The following ACSM3 variants were observed in gnomAD, a reference collection of about 807,000 sequenced individuals.
The protein encoded by ACSM3 is acyl-coenzyme A synthetase ACSM3, mitochondrial.
A neutral mutation model predicts 74.1 loss-of-function variants in ACSM3; 61 were observed. The observed-to-expected ratio is 0.82, with a 90% CI of 0.67 to 1.02. The LOEUF (loss-of-function observed/expected upper bound fraction) is 1.02. Ranked by LOEUF, ACSM3 falls within the 50% of genes least tolerant of loss-of-function variation. The probability of loss-of-function intolerance (pLI) is 0.00; values close to 1 mark genes in which losing one functional copy is unlikely to be tolerated. For synonymous variants in ACSM3, 213 were observed against 241.5 expected, an observed-to-expected ratio of 0.88 and a Z score of 1.09; for missense variants, 660 against 697.0, an observed-to-expected ratio of 0.95 and a Z score of 0.60.
intron 3 of ACSM3, among the ~76,000 whole-genome samples, chr16:20,776,539 G>C (rs1035798218): frequency 2.0e-5 from 3 of 152,054 alleles, no homozygotes; most frequent in Admixed American, 1.3e-4. Flanking sequence ...CCAGGAGGAA[G>C]ATCTATATAT....
intron 1 of ACSM3, among the ~76,000 whole-genome samples, chr16:20,739,488 A>G (rs2079899400): frequency 6.6e-6 from 1 of 152,064 alleles, no homozygotes; most frequent in Non-Finnish European, 1.5e-5. Context: ...TATTGATAAT[A>G]AAGCTTTTTT....
intron 1 of ACSM3, among the ~76,000 whole-genome samples, chr16:20,715,838 G>T (rs750081525): frequency 6.6e-5 from 10 of 152,118 alleles, no homozygotes; most frequent in African/African-American, 2.4e-4. Context: ...TATTTTATTT[G>T]CTCATGATTC....
intron 1 of ACSM3, chr16:20,738,692 G>T (rs1239062733): frequency 3.5e-6 from 2 of 577,818 alleles, no homozygotes; most frequent in Non-Finnish European, 6.1e-6. Context: ...AAGCAGCAAA[G>T]CCAGGTTTCC....
intron 1 of ACSM3, among the ~76,000 whole-genome samples, chr16:20,702,290 G>A (rs1036492317): frequency 6.6e-6 from 1 of 152,166 alleles, no homozygotes; most frequent in African/African-American, 2.4e-5. Context: ...GTGACTCACT[G>A]CAACCTCCAC....
upstream of ACSM3, among the ~76,000 whole-genome samples, chr16:20,761,691 T>C (rs541311881): frequency 1.3e-5 from 2 of 152,258 alleles, no homozygotes; most frequent in African/African-American, 4.8e-5. Context: ...TTGGTTGCAG[T>C]AGGTGCCAGG....
At chr16:20,794,372 A>T (rs893636325) in intron 12 of ACSM3, among the ~76,000 whole-genome samples, 1 of 152,226 alleles carries the variant, frequency 6.6e-6, no homozygotes, top group Non-Finnish European at 1.5e-5. Context: ...GGCCACTGTT[A>T]AGACTTATGC....
At chr16:20,738,204 G>C (rs910963691) in intron 1 of ACSM3, 6 of 530,450 alleles carry the variant, frequency 1.1e-5, no homozygotes, top group African/African-American at 9.6e-5. Context: ...TGTTTAGGTA[G>C]ACACCGTTGT....
chr16:20,786,245 G>C, intron 9 of ACSM3, 87 bp downstream of exon 9: 1 of 1,499,052 alleles, frequency 6.7e-7, no homozygotes, highest in Non-Finnish European at 8.9e-7. Flanking sequence ...AACTTTCTTT[G>C]TTATGATGGT....
chr16:20,793,730 A>T (rs1029366639), intron 12 of ACSM3, among the ~76,000 whole-genome samples: 3 of 152,220 alleles, frequency 2.0e-5, no homozygotes, highest in Non-Finnish European at 2.9e-5. Flanking sequence ...GGGCAGGGAA[A>T]ACAGTCAGTG....
At chr16:20,739,888 T>C (rs988276649) in intron 1 of ACSM3, among the ~76,000 whole-genome samples, 21 of 151,710 alleles carry the variant, frequency 1.4e-4, no homozygotes, top group African/African-American at 5.1e-4. Context: ...GAATGTAAAA[T>C]TTGAAAATGT....
intron 12 of ACSM3, among the ~76,000 whole-genome samples, chr16:20,795,126 A>T (rs1376824122): frequency 6.6e-6 from 1 of 152,250 alleles, no homozygotes; most frequent in Non-Finnish European, 1.5e-5. Context: ...ATAGACACAC[A>T]CACACACAAG....
chr16:20,720,142 A>G (rs1238611876), intron 1 of ACSM3, among the ~76,000 whole-genome samples: 1 of 152,046 alleles, frequency 6.6e-6, no homozygotes, highest in Non-Finnish European at 1.5e-5. Flanking sequence ...ATGGAAGACC[A>G]TTTTTCCATG....
chr16:20,693,943 G>T (rs940950867), intron 1 of ACSM3, among the ~76,000 whole-genome samples: 1 of 152,184 alleles, frequency 6.6e-6, no homozygotes, highest in South Asian at 2.1e-4. Context: ...TCAAAGTCCT[G>T]TGCTAAGATT....
In ACSM3 at chr16:20,739,829, T is replaced by TA. The variant is rs66818518; in HGVS notation, c.-189-10065dup. Among the ~76,000 whole-genome samples, 1,316 of 140,076 alleles carry TA rather than the reference T, an allele frequency of 9.4e-3. 12 individuals are homozygous for TA. The highest frequency in any genetic ancestry group is 0.022 in the African/African-American group (793 of 36,830). The allele number at this position is 140,076 out of a possible 152,430, so 91.9% of individuals were successfully genotyped here. A position where few individuals can be genotyped will look rare whatever the true frequency, so the allele number is the denominator to read the frequency against. On this transcript the variant is annotated intron_variant, in intron 1 of 3. Transcript: ENST00000561584. ...GAGCAAGACTCTGTCTCAAAAAAAT[T>TA]AAAAAAAAAAAAAAAATGTGGAGGA...
intron 1 of ACSM3, among the ~76,000 whole-genome samples, chr16:20,769,446 A>T (rs1316072266): frequency 6.6e-6 from 1 of 152,216 alleles, no homozygotes; most frequent in East Asian, 1.9e-4. Context: ...TATCAACTAG[A>T]CAGTTCATAA....
chr16:20,729,650 C>T (rs1011112153), intron 1 of ACSM3: 29 of 224,618 alleles, frequency 1.3e-4, no homozygotes, highest in Non-Finnish European at 2.0e-4. Context: ...TCATTTAATT[C>T]TCACTATGAG....
At chr16:20,757,474 C>T (rs1241837737) in intron 3 of ACSM3, among the ~76,000 whole-genome samples, 3 of 151,360 alleles carry the variant, frequency 2.0e-5, no homozygotes, top group Non-Finnish European at 2.9e-5. Context: ...GTGATTTTTG[C>T]ACATTGATTT....
chr16:20,777,510 A>C lies in ACSM3; in HGVS notation c.568A>C (p.Asn190His), dbSNP rs772728883. The change falls in exon 4 of 14, where the codon AAT becomes CAT. Residue 190 changes from asparagine to histidine, a missense_variant. Coordinates refer to ENST00000289416, the MANE Select transcript of ACSM3 (RefSeq NM_005622.4). ...AVDAVASKCE[N>H]LHSKLIVSEN... is the part of the protein sequence containing the mutation. ...AGACGCTGTTGCATCCAAATGTGAA[A>C]ATCTGCACTCCAAGCTGATTGTATC... The C allele has an allele frequency of 6.2e-7, 1 of 1,614,138 alleles. No homozygotes were observed. The highest frequency in any genetic ancestry group is 8.5e-7 in the Non-Finnish European group (1 of 1,180,012).
intron 1 of ACSM3, chr16:20,742,080 T>G: frequency 7.6e-7 from 1 of 1,311,132 alleles, no homozygotes; most frequent in Non-Finnish European, 9.8e-7. Flanking sequence ...TTGGTACCTG[T>G]TCCTCCAGCC....
Sources: allele counts gnomAD v4.1 joint callset (sites outside exome capture counted in the v4.1 genomes callset), GRCh38; gene constraint gnomAD v4.1.1; transcripts MANE v1.5; gene names NCBI Gene and HGNC (gene_info 2026-07-23, HGNC 2026-07-21).